TEX15: variants seen among roughly 807,000 people sequenced by gnomAD.
TEX15 encodes testis-expressed protein 15.
Under a neutral mutation model 237.3 loss-of-function variants are expected in TEX15, and 171 were observed. That is an observed-to-expected ratio of 0.72 (90% CI 0.64 to 0.82). TEX15 has a LOEUF of 0.82. Among genes scored for constraint, TEX15 ranks in the 40% least tolerant of loss-of-function variants. The pLI, the probability that TEX15 is intolerant of heterozygous loss-of-function variation, is 0.00. For synonymous variants in TEX15, 1,338 were observed against 1,269.8 expected (o/e 1.05, Z -1.14); for missense variants, 3,750 against 3,646.5 (o/e 1.03, Z -0.73).
At chr8:30,838,178 TC>T in intron 9 of TEX15, 117 bp from the exon 10 acceptor site, 2 of 930,492 alleles carry the variant, frequency 2.1e-6, no homozygotes, top group Non-Finnish European at 3.1e-6. Context: ...CTTTACGTTT[TC>T]CCATTCTATT....
chr8:30,907,556 TTATA>T (rs536192404), intron 1 of TEX15, among the ~76,000 whole-genome samples: 2,650 of 113,978 alleles, frequency 0.023, 89 homozygotes, highest in African/African-American at 0.098. Context: ...TATACAAAAT[TTATA>T]TATAATTTAT....
At chr8:30,882,912 C>T (rs903259061) in intron 3 of TEX15, among the ~76,000 whole-genome samples, 3 of 152,124 alleles carry the variant, frequency 2.0e-5, no homozygotes, top group African/African-American at 7.2e-5. Context: ...GCTGGCACCA[C>T]AGGCACATGT....
rs1464986876 is a variant in TEX15, at chr8:30,847,823, C to T, written c.2344G>A (p.Val782Ile). The T allele has an allele frequency of 2.5e-6, 4 of 1,613,738 alleles. No individual in the cohort carries two copies. In the East Asian group the frequency reaches 6.7e-5, roughly 27 times the overall value. ...GTTTCTATGTTATAAGATGAAATAACTGTATCAATGAACATTTCTTTGGCC... is the reference window on the plus strand; with the variant it reads ...GTTTCTATGTTATAAGATGAAATAATTGTATCAATGAACATTTCTTTGGCC... Reference protein sequence around the residue: ...PQAKEMFIDTVISSYNIETAH... With the variant: ...PQAKEMFIDTIISSYNIETAH... Residue 782 changes from valine to isoleucine, a missense_variant, in exon 8 of 11, where the codon GTT (valine) becomes ATT (isoleucine). Val to Ile is a conservative substitution (Grantham distance 29). Coordinates refer to ENST00000643185, the MANE Select transcript of TEX15 (RefSeq NM_001350162.2).
intron 4 of TEX15, among the ~76,000 whole-genome samples, chr8:30,873,203 T>C (rs1808330493): frequency 6.6e-6 from 1 of 152,194 alleles, no homozygotes; most frequent in Admixed American, 6.5e-5. Context: ...AAAGATTTAA[T>C]GCAACAGATT....
At chr8:30,899,335 A>C (rs544135713) in intron 1 of TEX15, among the ~76,000 whole-genome samples, 1 of 152,318 alleles carries the variant, frequency 6.6e-6, no homozygotes, top group Admixed American at 6.5e-5. Context: ...ACAGACTCAG[A>C]AAGGTTAAGA....
chr8:30,849,094 C>T lies in TEX15; in HGVS notation c.1073G>A (p.Ser358Asn). 3 of 1,612,518 alleles carry T rather than the reference C, an allele frequency of 1.9e-6. No individual in the cohort carries two copies. The highest frequency in any genetic ancestry group is 2.5e-6 in the Non-Finnish European group (3 of 1,179,462). The change falls in exon 8 of 11, where the codon AGT becomes AAT. Residue 358 changes from serine to asparagine, a missense_variant. Transcript: ENST00000643185. ...TGCTAAACTGTGCTCTGTCTGTCCACTGTATGTTTCAGGTATAGAAATGTT... is the reference window on the plus strand; with the variant it reads ...TGCTAAACTGTGCTCTGTCTGTCCATTGTATGTTTCAGGTATAGAAATGTT... ...NGNISIPETY[S>N]GQTEHSLAEI...
rs770544475 is a variant in TEX15 at position 30,837,677 on chromosome 8, A to G, written c.8607T>C (p.Asp2869=). Residue 2869 remains aspartate, a synonymous_variant, in exon 10 of 11, where the codon GAT becomes GAC. Coordinates refer to ENST00000643185, the MANE Select transcript of TEX15 (RefSeq NM_001350162.2). ...CAGAAAGGCAGGATTTTTGGGTGGG[A>G]TCTGGGGAATTTTTAAGAAATTTCT... ...LLQKFLKNSP[D]PTQKSCLSDI... The G allele has an allele frequency of 2.6e-5, 42 of 1,613,834 alleles. No individual in the cohort carries two copies. The South Asian group carries it at 3.5e-4, about 14-fold the overall frequency.
chr8:30,912,317 T>C (rs1295277446), intron 1 of TEX15, among the ~76,000 whole-genome samples: 2 of 23,410 alleles, frequency 8.5e-5, no homozygotes, highest in Non-Finnish European at 1.6e-4. Flanking sequence ...CGAGTTGCGG[T>C]CCCGGGGCGG....
chr8:30,875,995 T>C (rs758906299), intron 3 of TEX15, among the ~76,000 whole-genome samples: 1 of 151,932 alleles, frequency 6.6e-6, no homozygotes, highest in East Asian at 1.9e-4. Context: ...CTTTTATTTT[T>C]TGTAGAGATG....
At chr8:30,901,147 A>C (rs1372550151) in intron 1 of TEX15, among the ~76,000 whole-genome samples, 1 of 152,226 alleles carries the variant, frequency 6.6e-6, no homozygotes, top group Non-Finnish European at 1.5e-5. Context: ...CAAAACAAAC[A>C]AACAAAAAAA....
intron 4 of TEX15, among the ~76,000 whole-genome samples, 198 bp from the exon 5 acceptor site, chr8:30,867,700 A>T (rs117495751): frequency 0.016 from 2,388 of 152,222 alleles, 21 homozygotes; most frequent in Middle Eastern, 0.031. Context: ...ATTTATGAAC[A>T]TTATCATCAT....
intron 3 of TEX15, among the ~76,000 whole-genome samples, chr8:30,885,132 T>C (rs1808616588): frequency 6.6e-6 from 1 of 152,136 alleles, no homozygotes; most frequent in South Asian, 2.1e-4. Context: ...TTTCCAGCTA[T>C]CTTTGGGTTA....
chr8:30,863,559 C>T (rs1255637746), intron 5 of TEX15, among the ~76,000 whole-genome samples: 1 of 152,096 alleles, frequency 6.6e-6, no homozygotes, highest in Non-Finnish European at 1.5e-5. Flanking sequence ...TGCATCAATA[C>T]CATTGTTGCA....
intron 3 of TEX15, among the ~76,000 whole-genome samples, chr8:30,879,392 T>G (rs960075628): frequency 1.3e-5 from 2 of 152,254 alleles, no homozygotes; most frequent in Admixed American, 6.5e-5. Context: ...TGTTTTCTTC[T>G]AGACGTTTTA....
At chr8:30,887,081 A>G in intron 3 of TEX15, 86 bp downstream of exon 3, 1 of 1,219,668 alleles carries the variant, frequency 8.2e-7, no homozygotes. Context: ...TTTTATATAG[A>G]GTCAAAATAA....
intron 2 of TEX15, among the ~76,000 whole-genome samples, chr8:30,895,454 C>T (rs1168389131): frequency 6.6e-6 from 1 of 151,872 alleles, no homozygotes; most frequent in African/African-American, 2.4e-5. Flanking sequence ...CCCTAAGAGG[C>T]TATCAGTAAA....
intron 2 of TEX15, among the ~76,000 whole-genome samples, chr8:30,891,589 C>T (rs908472625): frequency 4.6e-5 from 7 of 152,000 alleles, no homozygotes; most frequent in African/African-American, 1.7e-4. Flanking sequence ...AAGCGATTCT[C>T]CTGGCTCAGC....
At position 30,847,488 on chromosome 8, in the gene TEX15, G is replaced by A. The variant is rs574770017; in HGVS notation, c.2679C>T (p.Asn893=). 2.9e-5 allele frequency: 47 copies of A among 1,612,916 alleles called. No individual in the cohort carries two copies. In the East Asian group the frequency reaches 3.8e-4, roughly 13 times the overall value. The change falls in exon 8 of 11, where the codon AAC becomes AAT. Residue 893 remains asparagine, a synonymous_variant. Coordinates refer to ENST00000643185, the MANE Select transcript of TEX15 (RefSeq NM_001350162.2). ...TTTCATCTATATTGCTGAAATTTTC[G>A]TTTGTATGAGAATCCTGCTTTTTGT... ...YGDKKQDSHT[N]ENFSNIDEKE...
In TEX15 at chr8:30,911,528, G is replaced by T. The variant is rs1473087536; in HGVS notation, c.-86+1351C>A. 2.6e-5 allele frequency among the ~76,000 whole-genome samples: 4 copies of T among 152,134 alleles called. 1 individual carries two copies. Among genetic ancestry groups the T allele is most frequent in the African/African-American group, 9.7e-5 (4 of 41,434 alleles). On this transcript the variant is annotated intron_variant, in intron 1 of 10. Transcript: ENST00000643185. ...AAGGAAATTCAAAAATAAAAAAAGC[G>T]AATAATGGTATCACTTCTACTTCAT...
Sources: gnomAD v4.1 joint callset for allele counts (sites outside exome capture counted in the v4.1 genomes callset) on GRCh38, gnomAD v4.1.1 for gene constraint, MANE v1.5 for transcripts, NCBI Gene and HGNC (gene_info 2026-07-23, HGNC 2026-07-21) for gene names.